MKLN1: variants seen among roughly 807,000 people sequenced by gnomAD.
MKLN1 encodes the protein muskelin.
Under a neutral mutation model 99.0 loss-of-function variants are expected in MKLN1, and 18 were observed. The observed-to-expected ratio is 0.18, with a 90% CI of 0.13 to 0.27. MKLN1 has a LOEUF of 0.27. Ranked by LOEUF, MKLN1 falls within the 10% of genes least tolerant of loss-of-function variation. The pLI is 1.00. For synonymous variants in MKLN1, 288 were observed against 293.2 expected, an observed-to-expected ratio of 0.98 and a Z score of 0.18; for missense variants, 621 against 875.9, an observed-to-expected ratio of 0.71 and a Z score of 3.67.
chr7:131,354,214 G>A (rs1799805980), intron 1 of MKLN1, among the ~76,000 whole-genome samples: 1 of 151,960 alleles, frequency 6.6e-6, no homozygotes, highest in South Asian at 2.1e-4. Context: ...GGTCATTTTG[G>A]GAGAATTGCC....
chr7:131,212,751 C>G (rs1409080863), intron 3 of MKLN1, among the ~76,000 whole-genome samples: 2 of 152,102 alleles, frequency 1.3e-5, no homozygotes, highest in Admixed American at 1.3e-4. Context: ...TGGAGAAACC[C>G]CATCTCTACT....
At chr7:131,198,507 A>G (rs1364895921) in intron 2 of MKLN1, among the ~76,000 whole-genome samples, 2 of 152,040 alleles carry the variant, frequency 1.3e-5, no homozygotes. Context: ...AACACAAAGA[A>G]CAAAAATAGA....
At chr7:131,114,399 G>C (rs6956734) in intron 1 of MKLN1, among the ~76,000 whole-genome samples, 3,826 of 152,252 alleles carry the variant, frequency 0.025, 157 homozygotes, top group African/African-American at 0.086. Context: ...ACTCAGGAGA[G>C]AGATCTATGC....
At chr7:131,464,435 C>A in intron 14 of MKLN1, 27 bp downstream of exon 14, 3 of 1,320,234 alleles carry the variant, frequency 2.3e-6, no homozygotes, top group Non-Finnish European at 3.3e-6. Flanking sequence ...GACCTGTAAA[C>A]TTTCCATGGC....
At chr7:131,128,513 T>C (rs1468678361) in intron 1 of MKLN1, among the ~76,000 whole-genome samples, 1 of 152,114 alleles carries the variant, frequency 6.6e-6, no homozygotes, top group Non-Finnish European at 1.5e-5. Flanking sequence ...ACTTTGTCTC[T>C]AAAAAAGAAG....
chr7:131,129,486 T>A (rs537536382), intron 1 of MKLN1, among the ~76,000 whole-genome samples: 1 of 152,356 alleles, frequency 6.6e-6, no homozygotes, highest in South Asian at 2.1e-4. Context: ...AATTATTGCA[T>A]AAATTTTGTG....
intron 3 of MKLN1, among the ~76,000 whole-genome samples, chr7:131,300,041 T>A (rs757986448): frequency 1.3e-5 from 2 of 151,970 alleles, no homozygotes; most frequent in Non-Finnish European, 2.9e-5. Context: ...GAGAAAAGGG[T>A]TAATAATTAT....
At chr7:131,358,657 G>A (rs1167660169) in intron 1 of MKLN1, among the ~76,000 whole-genome samples, 3 of 152,104 alleles carry the variant, frequency 2.0e-5, no homozygotes, top group Admixed American at 2.0e-4. Context: ...AACCATCTGG[G>A]CCTGGAGATT....
intron 16 of MKLN1, among the ~76,000 whole-genome samples, chr7:131,472,766 C>T (rs370223522): frequency 3.3e-5 from 5 of 151,798 alleles, no homozygotes; most frequent in East Asian, 3.9e-4. Context: ...CTGGCTAATG[C>T]GATGAAACCC....
At chr7:131,247,232 T>C (rs1456743148) in intron 3 of MKLN1, among the ~76,000 whole-genome samples, 1 of 107,518 alleles carries the variant, frequency 9.3e-6, no homozygotes, top group Non-Finnish European at 2.0e-5. Flanking sequence ...CTTTTTCTTT[T>C]TTCTTTTTTT....
intron 6 of MKLN1, among the ~76,000 whole-genome samples, chr7:131,400,518 A>AAAAT (rs527702723): frequency 6.8e-4 from 94 of 137,432 alleles, no homozygotes; most frequent in African/African-American, 2.2e-3. Flanking sequence ...ATAAAAAAAA[A>AAAAT]ATATATATAT....
intron 1 of MKLN1, among the ~76,000 whole-genome samples, chr7:131,361,403 C>T (rs971094533): frequency 1.3e-5 from 2 of 151,660 alleles, no homozygotes; most frequent in Admixed American, 6.6e-5. Context: ...GTACATTACC[C>T]ATCTATCTTG....
In MKLN1 at chr7:131,141,844, G is replaced by T. The variant is rs116287700; in HGVS notation, c.-418-976G>T. On this transcript the variant is annotated intron_variant, in intron 1 of 7. Coordinates refer to the MKLN1 transcript ENST00000416992. ...TTTCTACCGTGCCCTGTCCTGTGAG[G>T]TTCCTGTAAGTGCTTACGGGGACCT... is the stretch of plus-strand genomic sequence containing the variant. Among the ~76,000 whole-genome samples, 471 of 152,246 alleles carry T rather than the reference G, an allele frequency of 3.1e-3. 2 individuals are homozygous for T. The highest frequency in any genetic ancestry group is 0.011 in the African/African-American group (446 of 41,540).
At chr7:131,184,089 T>G (rs1464550170) in intron 2 of MKLN1, among the ~76,000 whole-genome samples, 1 of 152,100 alleles carries the variant, frequency 6.6e-6, no homozygotes, top group Non-Finnish European at 1.5e-5. Context: ...AGAGAGACCA[T>G]AGACTTCAAG....
chr7:131,183,659 A>G (rs1796406440), intron 2 of MKLN1, among the ~76,000 whole-genome samples: 1 of 152,162 alleles, frequency 6.6e-6, no homozygotes, highest in Non-Finnish European at 1.5e-5. Context: ...TGGCCTGAAA[A>G]ATGTATGTGC....
Position 131,470,828 on chromosome 7 carries a change from T to A in MKLN1, c.1929-14T>A, listed in dbSNP as rs749359923. 1 of 1,492,844 alleles carries A rather than the reference T, an allele frequency of 6.7e-7. No individual in the cohort carries two copies. Among genetic ancestry groups the A allele is most frequent in the East Asian group, 2.3e-5 (1 of 44,288 alleles). 92.5% of individuals were successfully genotyped at this position (1,492,844 alleles called of 1,614,324 possible). A position where few individuals can be genotyped will look rare whatever the true frequency, so the allele number is the denominator to read the frequency against. On this transcript the variant is annotated splice_polypyrimidine_tract_variant and intron_variant, in intron 15 of 17. Transcript: ENST00000352689. ...TCATAACTCCAGATAATTATCCTTG[T>A]GTACATTTTCTAGGTTTGAAGAAAA... is the stretch of plus-strand genomic sequence containing the variant.
chr7:131,411,013 A>G (rs558678676), intron 6 of MKLN1, among the ~76,000 whole-genome samples: 1 of 152,328 alleles, frequency 6.6e-6, no homozygotes, highest in Admixed American at 6.5e-5. Context: ...GTTGAATGCA[A>G]CAGTGACTTT....
intron 17 of MKLN1, among the ~76,000 whole-genome samples, chr7:131,483,209 G>C (rs923807801): frequency 1.1e-4 from 16 of 152,252 alleles, no homozygotes; most frequent in African/African-American, 3.6e-4. Context: ...TTGTGGTACT[G>C]TTGATGAGTT....
At chr7:131,429,712 G>A (rs1795466493) in intron 9 of MKLN1, among the ~76,000 whole-genome samples, 1 of 152,102 alleles carries the variant, frequency 6.6e-6, no homozygotes, top group African/African-American at 2.4e-5. Flanking sequence ...CCAAGTAGCT[G>A]GGACTACAGG....
Sources: gnomAD v4.1 joint callset for allele counts (sites outside exome capture counted in the v4.1 genomes callset) on GRCh38, gnomAD v4.1.1 for gene constraint, MANE v1.5 for transcripts, NCBI Gene and HGNC (gene_info 2026-07-23, HGNC 2026-07-21) for gene names.